Variants in CHRM5 observed in about 807,000 individuals in gnomAD.
CHRM5 encodes cholinergic receptor muscarinic 5.
CHRM5 carries 18 observed loss-of-function variants against 39.0 expected under a neutral mutation model. The ratio of observed to expected loss-of-function variants is 0.46; its 90% CI spans 0.32 to 0.68. CHRM5 has a LOEUF of 0.68. Among genes scored for constraint, CHRM5 ranks in the 30% least tolerant of loss-of-function variants. The probability of loss-of-function intolerance (pLI) is 0.04; values close to 1 mark genes in which losing one functional copy is unlikely to be tolerated. For missense variants in CHRM5, 515 were observed against 651.1 expected, an observed-to-expected ratio of 0.79 and a Z score of 2.28; for synonymous variants, 241 against 246.3, an observed-to-expected ratio of 0.98 and a Z score of 0.20.
rs544214766 is a variant in CHRM5, at chr15:34,062,649, G to A, written c.-69G>A. The stretch of plus-strand genomic sequence containing the variant: ...GTGTTTCCCTCTCTTCCAGATGCTG[G>A]CCAAGAAGAGCTGAAATAGAAAACA... On this transcript the variant is annotated 5_prime_UTR_variant, in exon 3 of 3. Transcript: ENST00000383263. 9.6e-6 allele frequency: 14 copies of A among 1,459,802 alleles called. 1 individual carries two copies. In the South Asian group the frequency reaches 1.7e-4, roughly 18 times the overall value. The allele number at this position is 1,459,802 out of a possible 1,614,324, so 90.4% of individuals were successfully genotyped here.
At chr15:34,028,633 A>C (rs147551097) in intron 1 of CHRM5, among the ~76,000 whole-genome samples, 1 of 152,326 alleles carries the variant, frequency 6.6e-6, no homozygotes, top group Non-Finnish European at 1.5e-5. Context: ...TGGCAAAGTG[A>C]CTATAAATAT....
chr15:34,053,905 G>A (rs987693480), intron 2 of CHRM5, among the ~76,000 whole-genome samples: 3 of 152,108 alleles, frequency 2.0e-5, no homozygotes, highest in East Asian at 3.9e-4. Flanking sequence ...TACAGAATGG[G>A]AGAAAAATTT....
chr15:34,042,217 T>C (rs1899500554), intron 1 of CHRM5, among the ~76,000 whole-genome samples: 1 of 152,174 alleles, frequency 6.6e-6, no homozygotes, highest in South Asian at 2.1e-4. Flanking sequence ...CTGGTATTGC[T>C]TTTGCTTGAT....
At chr15:34,004,311 A>G (rs6495443) in intron 1 of CHRM5, among the ~76,000 whole-genome samples, 23,059 of 152,046 alleles carry the variant, frequency 0.15, 2,173 homozygotes, top group Middle Eastern at 0.28. Flanking sequence ...GCATGCAGAA[A>G]GATGCACAAT....
chr15:33,985,253 G>C (rs961816220), intron 1 of CHRM5, among the ~76,000 whole-genome samples: 2 of 149,924 alleles, frequency 1.3e-5, no homozygotes, highest in African/African-American at 4.9e-5. Flanking sequence ...TCTGGCAAAA[G>C]GAGTAGTCAA....
Position 33,997,287 on chromosome 15 carries a change from A to G in CHRM5, c.-408+28137A>G, listed in dbSNP as rs565937781. On this transcript the variant is annotated intron_variant, in intron 1 of 2. Coordinates refer to ENST00000383263, the MANE Select transcript of CHRM5 (RefSeq NM_012125.4). ...TACCTGCAAACACAAATATCAAAAGATAAGTATCAAGACTACTTTTTTTTT... is the reference window on the plus strand; with the variant it reads ...TACCTGCAAACACAAATATCAAAAGGTAAGTATCAAGACTACTTTTTTTTT... Among the ~76,000 whole-genome samples the G allele has an allele frequency of 3.9e-5, 6 of 152,334 alleles. No individual in the cohort carries two copies. In the South Asian group the frequency reaches 1.0e-3, roughly 26 times the overall value.
At chr15:34,051,307 C>T (rs1367387122) in intron 2 of CHRM5, among the ~76,000 whole-genome samples, 1 of 150,318 alleles carries the variant, frequency 6.7e-6, no homozygotes, top group African/African-American at 2.4e-5. Context: ...AAACAAAGGA[C>T]AAAGTACCAA....
At chr15:33,969,929 AG>A (rs1018592370) in intron 1 of CHRM5, among the ~76,000 whole-genome samples, 23 of 152,060 alleles carry the variant, frequency 1.5e-4, no homozygotes, top group Admixed American at 9.2e-4. Flanking sequence ...CTGCATAATG[AG>A]ACTTCTAGAG....
intron 1 of CHRM5, among the ~76,000 whole-genome samples, chr15:34,019,832 G>C (rs1223195912): frequency 6.6e-6 from 1 of 152,136 alleles, no homozygotes; most frequent in Non-Finnish European, 1.5e-5. Flanking sequence ...ACAATGACAA[G>C]TCACCTAACG....
At chr15:33,981,202 A>G (rs1273920419) in intron 1 of CHRM5, among the ~76,000 whole-genome samples, 1 of 152,198 alleles carries the variant, frequency 6.6e-6, no homozygotes, top group Non-Finnish European at 1.5e-5. Flanking sequence ...TGCCTTATCA[A>G]TTTTCCTAAA....
intron 1 of CHRM5, chr15:33,991,621 C>G (rs1365154183): frequency 1.3e-5 from 2 of 151,892 alleles, no homozygotes; most frequent in African/African-American, 2.4e-5. Context: ...CCCACATATC[C>G]TTTTCTCAAA....
At chr15:34,019,545 G>GACTC (rs1299568468) in intron 1 of CHRM5, among the ~76,000 whole-genome samples, 2 of 152,166 alleles carry the variant, frequency 1.3e-5, no homozygotes, top group Non-Finnish European at 2.9e-5. Flanking sequence ...CTCACTCACT[G>GACTC]ACTCACTCAG....
rs1309379653 is a variant in CHRM5 at position 34,063,272 on chromosome 15, C to T, written c.555C>T (p.Ile185=). The change falls in exon 3 of 3, where the codon ATC becomes ATT. Residue 185 remains isoleucine, a synonymous_variant. Transcript: ENST00000383263. This position sits in a 1 kb window ranked among gnomAD's most constrained non-coding sequence, Gnocchi z 4.1. ...CAGTTCCACTGGATGAGTGCCAGAT[C>T]CAGTTTCTCTCTGAGCCCACCATCA... ...KRTVPLDECQ[I]QFLSEPTITF... The T allele has an allele frequency of 6.2e-7, 1 of 1,614,184 alleles. No individual in the cohort carries two copies. The highest frequency in any genetic ancestry group is 1.7e-5 in the Admixed American group (1 of 60,032).
At chr15:34,049,863 G>A (rs1173012239) in intron 2 of CHRM5, among the ~76,000 whole-genome samples, 1 of 150,302 alleles carries the variant, frequency 6.7e-6, no homozygotes, top group Non-Finnish European at 1.5e-5. Flanking sequence ...AGCCAGAAGA[G>A]ACTGGGGCCA....
In CHRM5 at chr15:34,000,017, T is replaced by C. The variant is rs903269580; in HGVS notation, c.-408+30867T>C. ...CACGTTGCTTCTGCCACACTGGCCT[T>C]CCTTGCGATTCCCTATCCTCCTATC... On this transcript the variant is annotated intron_variant, in intron 1 of 2. Transcript: ENST00000383263. Among the ~76,000 whole-genome samples, 6 of 152,308 alleles carry C rather than the reference T, an allele frequency of 3.9e-5. No individual in the cohort carries two copies. In the South Asian group the frequency reaches 1.2e-3, roughly 32 times the overall value.
At chr15:34,043,758 C>T (rs192883814) in intron 1 of CHRM5, among the ~76,000 whole-genome samples, 146 of 152,336 alleles carry the variant, frequency 9.6e-4, no homozygotes, top group African/African-American at 3.3e-3. Flanking sequence ...CTCCTCTCTC[C>T]TTCCACCCTC....
Position 34,048,705 on chromosome 15 carries a change from C to G in CHRM5, c.-76+1834C>G, listed in dbSNP as rs558726535. ...CACACCTGCTCTACCAAAAAGCAGC[C>G]AGACTGCTTCTTTAAGTGGGTCCCT... On this transcript the variant is annotated intron_variant, in intron 2 of 2. Coordinates refer to ENST00000383263, the MANE Select transcript of CHRM5 (RefSeq NM_012125.4). Among the ~76,000 whole-genome samples, 4 of 152,340 alleles carry G rather than the reference C, an allele frequency of 2.6e-5. No individual in the cohort carries two copies. The South Asian group carries it at 8.3e-4, about 32-fold the overall frequency.
At chr15:34,040,664 G>A (rs1416569761) in intron 1 of CHRM5, among the ~76,000 whole-genome samples, 3 of 151,840 alleles carry the variant, frequency 2.0e-5, no homozygotes, top group Admixed American at 6.6e-5. Context: ...TGTGTGGTTC[G>A]TGCCTGTAAT....
chr15:33,983,188 GTGTA>G (rs746070316), intron 1 of CHRM5, among the ~76,000 whole-genome samples: 95 of 93,750 alleles, frequency 1.0e-3, no homozygotes, highest in East Asian at 4.1e-3. Context: ...ACACACGTGT[GTGTA>G]TGTGTGTGTA....
Sources: gnomAD v4.1 joint callset for allele counts (sites outside exome capture counted in the v4.1 genomes callset) on GRCh38, gnomAD v4.1.1 for gene constraint, Gnocchi (gnomAD v3.1) non-coding constraint, MANE v1.5 for transcripts, NCBI Gene and HGNC (gene_info 2026-07-23, HGNC 2026-07-21) for gene names.